TOX: variants seen among roughly 807,000 people sequenced by gnomAD.
The protein encoded by TOX is thymocyte selection associated high mobility group box.
In TOX, 11 loss-of-function variants were observed where a neutral mutation model predicts 53.7. The ratio of observed to expected loss-of-function variants is 0.20; its 90% CI spans 0.13 to 0.34. The LOEUF (loss-of-function observed/expected upper bound fraction) is 0.34, where lower values mean the gene tolerates loss of function less well. TOX is among the 10% of genes least tolerant of loss of function. TOX has a pLI of 1.00. For synonymous variants in TOX, 225 were observed against 245.3 expected, an observed-to-expected ratio of 0.92 and a Z score of 0.77; for missense variants, 570 against 664.6, an observed-to-expected ratio of 0.86 and a Z score of 1.56.
intron 3 of TOX, among the ~76,000 whole-genome samples, chr8:58,926,532 C>A (rs1244531542): frequency 6.6e-6 from 1 of 152,108 alleles, no homozygotes; most frequent in Non-Finnish European, 1.5e-5. Context: ...TGAGAGGGGA[C>A]AAACTGATAT....
At chr8:59,046,584 G>T (rs146255025) in intron 1 of TOX, among the ~76,000 whole-genome samples, 4 of 152,152 alleles carry the variant, frequency 2.6e-5, no homozygotes, top group Non-Finnish European at 5.9e-5. Flanking sequence ...TAGGCCGGGG[G>T]TGGTGGCTCA....
At chr8:58,870,115 C>T (rs1223400228) in intron 3 of TOX, among the ~76,000 whole-genome samples, 2 of 151,430 alleles carry the variant, frequency 1.3e-5, no homozygotes, top group Non-Finnish European at 2.9e-5. Flanking sequence ...TTGAACAGAT[C>T]GGAAAGGAAG....
chr8:58,854,582 A>T (rs542233257), intron 3 of TOX, among the ~76,000 whole-genome samples: 75 of 152,134 alleles, frequency 4.9e-4, no homozygotes, highest in South Asian at 1.2e-3. Context: ...CTGGGTAAGG[A>T]TGGTGAAGTA....
chr8:59,004,911 C>T (rs1438521177), intron 1 of TOX, among the ~76,000 whole-genome samples: 1 of 152,178 alleles, frequency 6.6e-6, no homozygotes, highest in East Asian at 1.9e-4. Flanking sequence ...GCACTGGAAT[C>T]AATCCAACTT....
chr8:59,072,453 A>G, intron 1 of TOX, among the ~76,000 whole-genome samples: 1 of 152,212 alleles, frequency 6.6e-6, no homozygotes, highest in East Asian at 1.9e-4. Flanking sequence ...CTGATAAAGA[A>G]TAAGAGCTGA....
intron 3 of TOX, among the ~76,000 whole-genome samples, chr8:58,883,478 G>A (rs1811417771): frequency 6.6e-6 from 1 of 152,172 alleles, no homozygotes; most frequent in African/African-American, 2.4e-5. Flanking sequence ...AGTTTAGGGA[G>A]TTTTATGCTA....
At chr8:58,952,939 T>C (rs1307565579) in intron 2 of TOX, among the ~76,000 whole-genome samples, 1 of 152,186 alleles carries the variant, frequency 6.6e-6, no homozygotes, top group East Asian at 1.9e-4. Context: ...GTGCTCTACA[T>C]GTGTTTATGT....
chr8:58,819,983 T>C, intron 6 of TOX, among the ~76,000 whole-genome samples: 1 of 152,218 alleles, frequency 6.6e-6, no homozygotes, highest in East Asian at 1.9e-4. Flanking sequence ...GATTAACTTA[T>C]ACCCTGAAGC....
chr8:59,088,073 A>G (rs1331864924), intron 1 of TOX, among the ~76,000 whole-genome samples: 1 of 152,218 alleles, frequency 6.6e-6, no homozygotes, highest in Non-Finnish European at 1.5e-5. Context: ...CCTTTATTAT[A>G]TTAAAAAAAC....
At chr8:58,976,250 T>C (rs913968627) in intron 1 of TOX, among the ~76,000 whole-genome samples, 1 of 152,250 alleles carries the variant, frequency 6.6e-6, no homozygotes, top group Admixed American at 6.5e-5. Flanking sequence ...ATTCTAAATA[T>C]TTTGTTGTTA....
At chr8:58,865,178 G>A (rs1472986070) in intron 3 of TOX, among the ~76,000 whole-genome samples, 1 of 152,106 alleles carries the variant, frequency 6.6e-6, no homozygotes, top group African/African-American at 2.4e-5. Context: ...GCCATTGTAA[G>A]CTTTTAAAAT....
chr8:58,927,786 C>T (rs1007058714), intron 3 of TOX, among the ~76,000 whole-genome samples: 2 of 152,102 alleles, frequency 1.3e-5, no homozygotes, highest in Admixed American at 6.5e-5. Context: ...CAGTACTGCT[C>T]GGAGGGCTTC....
chr8:58,991,489 T>A (rs1028106758), intron 1 of TOX, among the ~76,000 whole-genome samples: 2 of 152,134 alleles, frequency 1.3e-5, no homozygotes, highest in Admixed American at 6.5e-5. Flanking sequence ...CCTAGAACAA[T>A]CGGCCGGATC....
chr8:58,892,596 G>A (rs936468032), intron 3 of TOX, among the ~76,000 whole-genome samples: 2 of 152,160 alleles, frequency 1.3e-5, no homozygotes, highest in Non-Finnish European at 2.9e-5. Context: ...AACACTGCCC[G>A]TACAGGATTT....
At chr8:58,928,651 C>T (rs1585906641) in intron 3 of TOX, among the ~76,000 whole-genome samples, 1 of 152,006 alleles carries the variant, frequency 6.6e-6, no homozygotes, top group Non-Finnish European at 1.5e-5. Flanking sequence ...TATATACACA[C>T]ACATCACAAT....
chr8:58,958,835 AGT>A (rs1222813383), intron 2 of TOX, among the ~76,000 whole-genome samples: 4 of 152,178 alleles, frequency 2.6e-5, no homozygotes, highest in Non-Finnish European at 4.4e-5. Context: ...CTAAATGCAA[AGT>A]TCAGGGAGAT....
chr8:58,832,326 A>C (rs1417820662), intron 5 of TOX, among the ~76,000 whole-genome samples: 1 of 151,754 alleles, frequency 6.6e-6, no homozygotes. Context: ...TACATTCTAC[A>C]GTTTTTAAGT....
intron 1 of TOX, among the ~76,000 whole-genome samples, chr8:59,072,484 G>A (rs1563437407): frequency 6.6e-6 from 1 of 152,106 alleles, no homozygotes; most frequent in Non-Finnish European, 1.5e-5. Flanking sequence ...TGATGCACAG[G>A]ATATTAAAAA....
intron 7 of TOX, among the ~76,000 whole-genome samples, chr8:58,809,734 G>A (rs187015591): frequency 6.6e-6 from 1 of 152,298 alleles, no homozygotes; most frequent in Non-Finnish European, 1.5e-5. Context: ...GTTCGATGCT[G>A]GGCGAAGGAC....
Sources: allele counts gnomAD v4.1 joint callset (sites outside exome capture counted in the v4.1 genomes callset), GRCh38; gene constraint gnomAD v4.1.1; transcripts MANE v1.5; gene names NCBI Gene and HGNC (gene_info 2026-07-23, HGNC 2026-07-21).